The following RGS7 variants were observed in gnomAD, a reference collection of about 807,000 sequenced individuals.
The protein encoded by RGS7 is regulator of G protein signaling 7, also known as regulator of G-protein signaling 7.
In RGS7, 27 loss-of-function variants were observed where a neutral mutation model predicts 81.1. That is an observed-to-expected ratio of 0.33 (90% CI 0.25 to 0.46). The LOEUF is 0.46. RGS7 is among the 20% of genes least tolerant of loss of function. The probability of loss-of-function intolerance (pLI) is 1.00; values close to 1 mark genes in which losing one functional copy is unlikely to be tolerated. For missense variants in RGS7, 396 were observed against 607.4 expected (o/e 0.65, Z 3.66); for synonymous variants, 208 against 207.7 (o/e 1.00, Z -0.01).
At chr1:241,015,595 T>C (rs977440506) in intron 3 of RGS7, among the ~76,000 whole-genome samples, 1 of 152,180 alleles carries the variant, frequency 6.6e-6, no homozygotes, top group African/African-American at 2.4e-5. Flanking sequence ...GAGTAAATGA[T>C]TGGTCTTGTA....
At chr1:240,842,149 T>C (rs565783486) in intron 9 of RGS7, among the ~76,000 whole-genome samples, 8 of 151,192 alleles carry the variant, frequency 5.3e-5, no homozygotes, top group Non-Finnish European at 1.0e-4. Context: ...AATAATCCCA[T>C]AGAAGCAAGG....
intron 3 of RGS7, among the ~76,000 whole-genome samples, chr1:241,034,600 T>C (rs1429446613): frequency 6.6e-6 from 1 of 152,186 alleles, no homozygotes; most frequent in Non-Finnish European, 1.5e-5. Flanking sequence ...ATAAAAACTT[T>C]TAAAAATACC....
intron 9 of RGS7, among the ~76,000 whole-genome samples, chr1:240,829,349 T>C (rs910327584): frequency 6.6e-6 from 1 of 152,152 alleles, no homozygotes; most frequent in Non-Finnish European, 1.5e-5. Context: ...AGCAATTCAC[T>C]AAACTCTCCC....
chr1:240,912,252 C>T (rs1371445059), intron 6 of RGS7, among the ~76,000 whole-genome samples: 1 of 144,050 alleles, frequency 6.9e-6, no homozygotes, highest in Non-Finnish European at 1.5e-5. Flanking sequence ...ATTCCAATTT[C>T]TGATATGCTA....
intron 3 of RGS7, among the ~76,000 whole-genome samples, chr1:241,030,614 A>T (rs2060039526): frequency 6.6e-6 from 1 of 151,126 alleles, no homozygotes; most frequent in Non-Finnish European, 1.5e-5. Context: ...CTGTTACTCA[A>T]AGAAATCTTA....
chr1:241,058,174 A>T (rs2061568712), intron 3 of RGS7, among the ~76,000 whole-genome samples: 1 of 152,222 alleles, frequency 6.6e-6, no homozygotes. Context: ...AAACATGTGC[A>T]TTAAGAGGCA....
At chr1:240,783,651 A>T (rs970479841) in intron 18 of RGS7, among the ~76,000 whole-genome samples, 11 of 151,830 alleles carry the variant, frequency 7.2e-5, no homozygotes, top group African/African-American at 2.4e-4. Flanking sequence ...AAAATAAAAA[A>T]AAATCGTTCT....
chr1:240,873,437 G>C (rs769847609), intron 6 of RGS7, among the ~76,000 whole-genome samples: 1 of 152,170 alleles, frequency 6.6e-6, no homozygotes, highest in Non-Finnish European at 1.5e-5. Flanking sequence ...TTTAACAGGA[G>C]GCTATGCCAC....
rs192702975 is a variant in RGS7, at chr1:241,317,285, T to C, written c.78+38414A>G. ...CCATTTAATATAATTTAATGAACTA[T>C]AAGTTTATATAATTGAATAGTTAAT... On this transcript the variant is annotated intron_variant, in intron 2 of 18. Transcript: ENST00000440928. Among the ~76,000 whole-genome samples, 306 of 152,338 alleles carry C rather than the reference T, an allele frequency of 2.0e-3. 1 individual carries two copies. The highest frequency in any genetic ancestry group is 6.6e-3 in the African/African-American group (276 of 41,572).
intron 2 of RGS7, among the ~76,000 whole-genome samples, chr1:241,171,419 C>T: frequency 6.6e-6 from 1 of 152,218 alleles, no homozygotes; most frequent in South Asian, 2.1e-4. Flanking sequence ...TCATGTAAGT[C>T]ACCCAGTTCT....
intron 2 of RGS7, among the ~76,000 whole-genome samples, chr1:241,102,025 T>G (rs2064779998): frequency 6.6e-6 from 1 of 152,212 alleles, no homozygotes; most frequent in Admixed American, 6.5e-5. Flanking sequence ...AAATATTCCA[T>G]TTTTCTGAGT....
At chr1:241,329,452 TC>T (rs758890896) in intron 2 of RGS7, among the ~76,000 whole-genome samples, 4 of 152,020 alleles carry the variant, frequency 2.6e-5, no homozygotes, top group Admixed American at 1.3e-4. Context: ...TGCCTGGGAG[TC>T]TTCAGAGATG....
rs1229039028 is a variant in RGS7 at position 240,998,546 on chromosome 1, G to A, written c.176-15417C>T. On this transcript the variant is annotated intron_variant, in intron 3 of 18. Transcript: ENST00000440928. The stretch of plus-strand genomic sequence containing the variant: ...CTCAGCTGGAGCAGCAGCAGCAGAG[G>A]CGGGCAGAAGCTCCTGCTGGTACAG... 5 of 865,616 alleles carry A rather than the reference G, an allele frequency of 5.8e-6. No individual in the cohort carries two copies. In the African/African-American group the frequency reaches 6.6e-5, roughly 12 times the overall value. The allele number at this position is 865,616 out of a possible 1,614,324, so 53.6% of individuals were successfully genotyped here.
intron 18 of RGS7, among the ~76,000 whole-genome samples, chr1:240,784,809 A>T (rs953863885): frequency 6.6e-6 from 1 of 151,864 alleles, no homozygotes. Context: ...GGCTGCAGAG[A>T]CTATGGAGAG....
Position 241,186,535 on chromosome 1 carries a change from T to A in RGS7, c.79-87773A>T, listed in dbSNP as rs1210752312. 7.5e-4 allele frequency: 241 copies of A among 323,456 alleles called. 2 individuals are homozygous for A. In the East Asian group the frequency reaches 0.02, roughly 27 times the overall value. 20.0% of individuals were successfully genotyped at this position (323,456 alleles called of 1,614,324 possible). On this transcript the variant is annotated intron_variant, in intron 2 of 18. Transcript: ENST00000440928. ...CATATATATATATATTTTTTTTTTT[T>A]TTTTTTGAGACGGAGTTTTGCTCTT... is the stretch of plus-strand genomic sequence containing the variant.
chr1:241,127,535 A>C (rs994747842), intron 2 of RGS7, among the ~76,000 whole-genome samples: 10 of 152,084 alleles, frequency 6.6e-5, no homozygotes, highest in African/African-American at 1.9e-4. Context: ...CACACCGGGG[A>C]CTGTTGTGGC....
chr1:241,021,288 G>T (rs184521742), intron 3 of RGS7, among the ~76,000 whole-genome samples: 1 of 152,240 alleles, frequency 6.6e-6, no homozygotes, highest in East Asian at 1.9e-4. Context: ...CAAGGGGTGG[G>T]GTGGAGGGCT....
chr1:241,013,574 T>G (rs535379044), intron 3 of RGS7, among the ~76,000 whole-genome samples: 42 of 152,288 alleles, frequency 2.8e-4, no homozygotes, highest in African/African-American at 9.6e-4. Context: ...TGTCGTGGTG[T>G]TGTTGTGGTC....
At chr1:241,105,518 G>GAGTT (rs1298863961) in intron 2 of RGS7, among the ~76,000 whole-genome samples, 2 of 152,210 alleles carry the variant, frequency 1.3e-5, no homozygotes, top group African/African-American at 4.8e-5. Flanking sequence ...TCTTTGAAGA[G>GAGTT]AGTTACTAAT....
Sources: allele counts gnomAD v4.1 joint callset (sites outside exome capture counted in the v4.1 genomes callset), GRCh38; gene constraint gnomAD v4.1.1; transcripts MANE v1.5; gene names NCBI Gene and HGNC (gene_info 2026-07-23, HGNC 2026-07-21).